The following VWA8 variants were observed in gnomAD, a reference collection of about 807,000 sequenced individuals.
The protein encoded by VWA8 is von Willebrand factor A domain containing 8.
VWA8 carries 221 observed loss-of-function variants against 241.5 expected under a neutral mutation model. That is an observed-to-expected ratio of 0.91 (90% CI 0.82 to 1.02). The LOEUF is 1.02. Ranked by LOEUF, VWA8 falls within the 50% of genes least tolerant of loss-of-function variation. The pLI is 0.00. For synonymous variants in VWA8, 852 were observed against 827.1 expected (o/e 1.03, Z -0.52); for missense variants, 2,322 against 2,328.7 (o/e 1.00, Z 0.06).
At chr13:41,891,344 C>G in intron 5 of VWA8, 76 bp downstream of exon 5, 2 of 1,555,062 alleles carry the variant, frequency 1.3e-6, no homozygotes, top group Non-Finnish European at 1.8e-6. Flanking sequence ...TCCAACAGAG[C>G]CATGTCTTAC....
In VWA8 at chr13:41,701,274, T is replaced by A. The variant is rs79561077; in HGVS notation, c.3364+118A>T. On this transcript the variant is annotated intron_variant, in intron 28 of 44. Transcript: ENST00000379310. ...TAAATTACATATAATTGCTATCCAA[T>A]CCAAGAATGACAGACACCAAGTCTA... The A allele has an allele frequency of 3.4e-3, 4,330 of 1,267,134 alleles. 11 individuals carry two copies. The highest frequency in any genetic ancestry group is 4.2e-3 in the Non-Finnish European group (4,017 of 948,330). 78.5% of individuals were successfully genotyped at this position (1,267,134 alleles called of 1,614,324 possible).
At chr13:41,839,375 G>C (rs1330866471) in intron 12 of VWA8, among the ~76,000 whole-genome samples, 1 of 152,122 alleles carries the variant, frequency 6.6e-6, no homozygotes, top group South Asian at 2.1e-4. Flanking sequence ...GTTCCTTGTA[G>C]ATTCTGGATA....
At chr13:41,818,249 C>T (rs1430004854) in intron 15 of VWA8, among the ~76,000 whole-genome samples, 2 of 150,308 alleles carry the variant, frequency 1.3e-5, no homozygotes, top group Non-Finnish European at 3.0e-5. Context: ...AGGCATGAGC[C>T]ACCGCACCTG....
rs560710739 is a variant in VWA8 at position 41,642,341 on chromosome 13, C to T, written c.4612-27257G>A. Among the ~76,000 whole-genome samples, 223 of 152,056 alleles carry T rather than the reference C, an allele frequency of 1.5e-3. 1 individual carries two copies. Among genetic ancestry groups the T allele is most frequent in the African/African-American group, 5.1e-3 (210 of 41,482 alleles). On this transcript the variant is annotated intron_variant, in intron 37 of 44. Transcript: ENST00000379310. ...TTGGAATGCTGAGGCAGGCAGATCACGAGGTCAGGAGTTCGAGACCAGCCT... is the reference window on the plus strand; with the variant it reads ...TTGGAATGCTGAGGCAGGCAGATCATGAGGTCAGGAGTTCGAGACCAGCCT...
intron 2 of VWA8, among the ~76,000 whole-genome samples, chr13:41,918,042 A>G (rs1348601084): frequency 6.6e-6 from 1 of 152,246 alleles, no homozygotes; most frequent in African/African-American, 2.4e-5. Context: ...GAAAATATTT[A>G]GCACCAAAGT....
rs199985064 is a variant in VWA8, at chr13:41,701,535, A to C, written c.3226-5T>G. The stretch of plus-strand genomic sequence containing the variant: ...TATATTTATAAGTGCTGGACCCTAT[A>C]ATAAAGCAGTTATCTCAGTTAAGAT... On this transcript the variant is annotated splice_polypyrimidine_tract_variant and splice_region_variant and intron_variant, in intron 27 of 44. Coordinates refer to ENST00000379310, the MANE Select transcript of VWA8 (RefSeq NM_015058.2). 3.2e-6 allele frequency: 5 copies of C among 1,543,966 alleles called. No homozygotes were observed. In the African/African-American group the frequency reaches 4.2e-5, roughly 13 times the overall value.
chr13:41,579,373 T>C (rs1193096985), intron 42 of VWA8, among the ~76,000 whole-genome samples: 1 of 152,228 alleles, frequency 6.6e-6, no homozygotes, highest in Non-Finnish European at 1.5e-5. Context: ...TAATAACCTA[T>C]AGCATTAGCT....
intron 35 of VWA8, among the ~76,000 whole-genome samples, chr13:41,682,476 G>A (rs777392790): frequency 7.9e-5 from 12 of 152,138 alleles, no homozygotes; most frequent in Non-Finnish European, 1.5e-4. Flanking sequence ...AAGAGAAAAT[G>A]TTTGCAAAGT....
At chr13:41,811,389 A>G (rs1480433774) in intron 16 of VWA8, 49 bp from the exon 17 acceptor site, 7 of 1,503,844 alleles carry the variant, frequency 4.7e-6, no homozygotes, top group South Asian at 3.6e-5. Context: ...TCAACTTGCT[A>G]AAGTCCCTTT....
At chr13:41,838,121 A>G (rs1871825430) in intron 12 of VWA8, among the ~76,000 whole-genome samples, 1 of 152,172 alleles carries the variant, frequency 6.6e-6, no homozygotes, top group African/African-American at 2.4e-5. Flanking sequence ...CAACTCAAGA[A>G]ATGGATCAGA....
At chr13:41,830,690 C>T (rs752178611) in intron 13 of VWA8, 48 bp from the exon 14 acceptor site, 1 of 1,532,338 alleles carries the variant, frequency 6.5e-7, no homozygotes, top group Non-Finnish European at 9.0e-7. Flanking sequence ...GTGTTTTGAA[C>T]ACTGAAGTTT....
chr13:41,821,788 T>C (rs1375385236), intron 14 of VWA8, among the ~76,000 whole-genome samples: 1 of 152,166 alleles, frequency 6.6e-6, no homozygotes, highest in Non-Finnish European at 1.5e-5. Flanking sequence ...GGCATAAGTG[T>C]GAGTTTTTAT....
intron 19 of VWA8, among the ~76,000 whole-genome samples, 187 bp from the exon 20 acceptor site, chr13:41,778,243 C>A (rs1211825856): frequency 6.6e-6 from 1 of 152,086 alleles, no homozygotes; most frequent in Non-Finnish European, 1.5e-5. Flanking sequence ...GTCACTGATA[C>A]TGAAAACTTG....
At chr13:41,572,796 CTAA>C (rs1467415690) in intron 43 of VWA8, among the ~76,000 whole-genome samples, 4 of 70,244 alleles carry the variant, frequency 5.7e-5, no homozygotes, top group African/African-American at 2.5e-4. Context: ...TCAATAAATA[CTAA>C]AAAAAAAAAA....
chr13:41,830,456 T>C, intron 14 of VWA8, 73 bp downstream of exon 14: 25 of 1,265,466 alleles, frequency 2.0e-5, no homozygotes, highest in Non-Finnish European at 2.7e-5. Context: ...ATTCTAGGTT[T>C]AGAAAAATCA....
At chr13:41,949,351 C>G (rs1878013956) in intron 2 of VWA8, among the ~76,000 whole-genome samples, 1 of 152,118 alleles carries the variant, frequency 6.6e-6, no homozygotes, top group Non-Finnish European at 1.5e-5. Flanking sequence ...TGGAAACCAT[C>G]ATTCTCAGAA....
intron 38 of VWA8, among the ~76,000 whole-genome samples, chr13:41,612,543 T>C (rs1466934888): frequency 6.6e-6 from 1 of 152,228 alleles, no homozygotes; most frequent in African/African-American, 2.4e-5. Flanking sequence ...ACTTAGGATT[T>C]ACCTTGTCTA....
intron 5 of VWA8, among the ~76,000 whole-genome samples, chr13:41,890,932 G>C (rs998351521): frequency 2.6e-5 from 4 of 152,142 alleles, no homozygotes; most frequent in Admixed American, 6.5e-5. Flanking sequence ...TGTGATGCTG[G>C]TGGCTTGGGT....
chr13:41,953,721 A>G (rs1251700275), intron 1 of VWA8, among the ~76,000 whole-genome samples: 1 of 152,228 alleles, frequency 6.6e-6, no homozygotes, highest in Non-Finnish European at 1.5e-5. Context: ...AAGCAGGAGA[A>G]TTGCTTGAAC....
Sources: allele counts gnomAD v4.1 joint callset (sites outside exome capture counted in the v4.1 genomes callset), GRCh38; gene constraint gnomAD v4.1.1; transcripts MANE v1.5; gene names NCBI Gene and HGNC (gene_info 2026-07-23, HGNC 2026-07-21).